ANKRD11: variants seen among roughly 807,000 people sequenced by gnomAD.
ANKRD11 encodes the protein ankyrin repeat domain-containing protein 11.
In ANKRD11, 17 loss-of-function variants were observed where a neutral mutation model predicts 195.7. The observed-to-expected ratio is 0.09, with a 90% CI of 0.06 to 0.13. The LOEUF (loss-of-function observed/expected upper bound fraction) is 0.13. ANKRD11 is among the 10% of genes least tolerant of loss of function. The pLI, the probability that ANKRD11 is intolerant of heterozygous loss-of-function variation, is 1.00. For missense variants in ANKRD11, 3,735 were observed against 3,566.1 expected (o/e 1.05, Z -1.21); for synonymous variants, 1,953 against 1,528.1 (o/e 1.28, Z -6.49).
chr16:89,460,837 C>T (rs1471505048), intron 1 of ANKRD11, among the ~76,000 whole-genome samples: 1 of 152,160 alleles, frequency 6.6e-6, no homozygotes, highest in East Asian at 1.9e-4. Flanking sequence ...TTCTGACCCA[C>T]AGGAACAAAC....
At chr16:89,330,255 G>C (rs1430081528) in intron 2 of ANKRD11, among the ~76,000 whole-genome samples, 1 of 152,108 alleles carries the variant, frequency 6.6e-6, no homozygotes, top group Admixed American at 6.5e-5. Flanking sequence ...TGTCAACAAT[G>C]ACCATGCAGC....
In ANKRD11 at chr16:89,284,503, G is replaced by A. The variant is rs145694621; in HGVS notation, c.2039C>T (p.Thr680Ile). 4.3e-6 allele frequency: 7 copies of A among 1,613,852 alleles called. No homozygotes were observed. The highest frequency in any genetic ancestry group is 1.6e-4 in the Middle Eastern group (1 of 6,084). The change falls in exon 9 of 13, where the codon ACT becomes ATT. Residue 680 changes from threonine (T) to isoleucine (I), a missense_variant. Transcript: ENST00000301030. ...CTTTAACACTTTTAGCTTGTTTTCA[G>A]TGGAAAGATCATTCTCTAACAGTAT... The part of the protein sequence containing the change: ...KAILLENDLS[T>I]ENKLKVLKHD...
chr16:89,280,575 C>G lies in ANKRD11; in HGVS notation c.5967G>C (p.Glu1989Asp). Residue 1989 changes from glutamate to aspartate, a missense_variant, in exon 9 of 13, where the codon GAG (glutamate) becomes GAC (aspartate). Transcript: ENST00000301030. ...CCGCGGGGCAGAAACGCTTTGGGGA[C>G]TCGGGGAATCTCTGTGGAGACTTCA... ...LLLKSPQRFP[E>D]SPKRFCPADP... 6.2e-7 allele frequency: 1 copy of G among 1,613,394 alleles called. No individual in the cohort carries two copies. Among genetic ancestry groups the G allele is most frequent in the Non-Finnish European group, 8.5e-7 (1 of 1,179,936 alleles).
chr16:89,302,984 A>G (rs1047119175), intron 4 of ANKRD11, among the ~76,000 whole-genome samples: 1 of 152,114 alleles, frequency 6.6e-6, no homozygotes, highest in African/African-American at 2.4e-5. Flanking sequence ...GCTAACCATC[A>G]ACAGACAGAC....
At chr16:89,313,236 A>T in intron 3 of ANKRD11, 2 of 1,232,916 alleles carry the variant, frequency 1.6e-6, no homozygotes, top group East Asian at 5.7e-5. Context: ...GCACAATGAG[A>T]CAGGGTGACT....
intron 2 of ANKRD11, among the ~76,000 whole-genome samples, chr16:89,352,270 T>C (rs1418476669): frequency 6.6e-6 from 1 of 151,972 alleles, no homozygotes; most frequent in East Asian, 1.9e-4. Flanking sequence ...TCCTAAGGAC[T>C]GGATCTCACA....
chr16:89,458,619 CATCA>C (rs916129438), intron 1 of ANKRD11, among the ~76,000 whole-genome samples: 1 of 152,248 alleles, frequency 6.6e-6, no homozygotes, highest in Non-Finnish European at 1.5e-5. Context: ...GAAGGCTGAA[CATCA>C]CTCTGGCAAG....
At chr16:89,463,039 G>T (rs2056750544) in intron 1 of ANKRD11, among the ~76,000 whole-genome samples, 1 of 134,806 alleles carries the variant, frequency 7.4e-6, no homozygotes, top group African/African-American at 2.8e-5. Flanking sequence ...GCCCCATCCG[G>T]GAGGGAGGTG....
chr16:89,382,918 G>A (rs936805662), intron 2 of ANKRD11, among the ~76,000 whole-genome samples: 1 of 152,162 alleles, frequency 6.6e-6, no homozygotes, highest in African/African-American at 2.4e-5. Context: ...TCGGCTCACT[G>A]CAACCTCTGC....
intron 2 of ANKRD11, among the ~76,000 whole-genome samples, chr16:89,321,702 GAA>G (rs955573329): frequency 3.5e-5 from 5 of 144,828 alleles, no homozygotes; most frequent in Admixed American, 2.1e-4. Flanking sequence ...AAAACTCACA[GAA>G]AAAAAAAAAG....
At chr16:89,268,987 C>CA (rs2032887110) in intron 12 of ANKRD11, among the ~76,000 whole-genome samples, 6 of 152,260 alleles carry the variant, frequency 3.9e-5, no homozygotes, top group Admixed American at 3.9e-4. Flanking sequence ...TAGAATCGAA[C>CA]AGCTTTGCTT....
chr16:89,467,057 A>G (rs530209615), intron 1 of ANKRD11, among the ~76,000 whole-genome samples: 1 of 152,360 alleles, frequency 6.6e-6, no homozygotes, highest in Non-Finnish European at 1.5e-5. Context: ...CAATGGTTGC[A>G]GGAACTCTGT....
At chr16:89,298,594 G>T (rs958035364) in intron 4 of ANKRD11, among the ~76,000 whole-genome samples, 3 of 152,218 alleles carry the variant, frequency 2.0e-5, no homozygotes, top group Admixed American at 6.5e-5. Context: ...TTTATCCTGA[G>T]TCCCGGGGTC....
intron 7 of ANKRD11, chr16:89,288,031 C>G (rs1567587643): frequency 1.9e-6 from 1 of 525,116 alleles, no homozygotes; most frequent in Non-Finnish European, 3.3e-6. Flanking sequence ...CTCTCTCGAC[C>G]CCCACAGAGG....
intron 1 of ANKRD11, among the ~76,000 whole-genome samples, chr16:89,431,744 T>C (rs1038089813): frequency 6.6e-6 from 1 of 152,004 alleles, no homozygotes. Context: ...CCAATCAGAG[T>C]TGAACCCACT....
intron 4 of ANKRD11, chr16:89,300,400 G>C (rs887829778): frequency 5.4e-6 from 1 of 185,846 alleles, no homozygotes; most frequent in Admixed American, 6.1e-5. Context: ...CAGTGCACAT[G>C]CCCTTCCTGG....
rs1319278119 is a variant in ANKRD11, at chr16:89,281,674, T to C, written c.4868A>G (p.Lys1623Arg). 3 of 1,614,050 alleles carry C rather than the reference T, an allele frequency of 1.9e-6. No individual in the cohort carries two copies. The highest frequency in any genetic ancestry group is 2.5e-6 in the Non-Finnish European group (3 of 1,180,030). Residue 1623 changes from lysine (K) to arginine (R), a missense_variant, in exon 9 of 13, where the codon AAG (lysine) becomes AGG (arginine). Lys to Arg is a conservative substitution (Grantham distance 26). Coordinates refer to ENST00000301030, the MANE Select transcript of ANKRD11 (RefSeq NM_013275.6). This position sits in a 1 kb window ranked among gnomAD's most constrained non-coding sequence, Gnocchi z 5.5. ...CCGCCCGTCGTCTGCCGGCTTCGCC[T>C]TCTCCTTGAGCTTGGGGTCTCCGGA... ...HRSGDPKLKE[K>R]AKPADDGRKK...
intron 1 of ANKRD11, among the ~76,000 whole-genome samples, chr16:89,419,405 ACTGCACCACTGCACTCCAGC>A (rs2042425450): frequency 6.6e-6 from 1 of 151,814 alleles, no homozygotes. Flanking sequence ...GTGAGCTGAG[ACTGCACCACTGCACTCCAGC>A]CTGGGTGACA....
intron 2 of ANKRD11, among the ~76,000 whole-genome samples, chr16:89,322,470 G>GC (rs2037386466): frequency 6.6e-6 from 1 of 152,242 alleles, no homozygotes; most frequent in South Asian, 2.1e-4. Context: ...ATGTGATTCA[G>GC]CCCCTCCCCT....
Sources: gnomAD v4.1 joint callset for allele counts (sites outside exome capture counted in the v4.1 genomes callset) on GRCh38, gnomAD v4.1.1 for gene constraint, Gnocchi (gnomAD v3.1) non-coding constraint, MANE v1.5 for transcripts, NCBI Gene and HGNC (gene_info 2026-07-23, HGNC 2026-07-21) for gene names.